The following EP400 variants were observed in gnomAD, a reference collection of about 807,000 sequenced individuals.
EP400 encodes the protein E1A-binding protein p400.
EP400 carries 105 observed loss-of-function variants against 354.1 expected under a neutral mutation model. The observed-to-expected ratio is 0.30, with a 90% CI of 0.25 to 0.35. The LOEUF (loss-of-function observed/expected upper bound fraction) is 0.35. Among genes scored for constraint, EP400 ranks in the 10% least tolerant of loss-of-function variants. EP400 has a pLI of 1.00. For synonymous variants in EP400, 1,646 were observed against 1,716.9 expected (o/e 0.96, Z 1.02); for missense variants, 3,280 against 4,121.0 (o/e 0.80, Z 5.59).
chr12:132,026,985 T>C lies in EP400; in HGVS notation c.5015-452T>C, dbSNP rs183345932. On this transcript the variant is annotated intron_variant, in intron 25 of 52. Transcript: ENST00000389561. ...ATGAAACGGGCACTGGCTTGCTCTG[T>C]TGCAGTTGTGAGGACTGGGTGGACT... is the stretch of plus-strand genomic sequence containing the variant. 3.3e-5 allele frequency among the ~76,000 whole-genome samples: 5 copies of C among 152,312 alleles called. No homozygotes were observed. The East Asian group carries it at 9.7e-4, about 29-fold the overall frequency.
chr12:132,009,341 A>T (rs1372327766), intron 15 of EP400, among the ~76,000 whole-genome samples: 3 of 152,006 alleles, frequency 2.0e-5, no homozygotes, highest in African/African-American at 7.3e-5. Context: ...ACTGTCACAG[A>T]CCCCAGGCAC....
intron 2 of EP400, chr12:131,963,611 C>T (rs1351236214): frequency 6.3e-7 from 1 of 1,598,364 alleles, no homozygotes; most frequent in Non-Finnish European, 8.5e-7. Context: ...AAGGTTTCTG[C>T]TGCTTTTTCA....
rs371611758 is a variant in EP400, at chr12:132,021,114, G to T, written c.4483G>T (p.Ala1495Ser). 2 of 1,599,804 alleles carry T rather than the reference G, an allele frequency of 1.3e-6. No homozygotes were observed. The highest frequency in any genetic ancestry group is 2.7e-5 in the African/African-American group (2 of 74,830). Residue 1495 changes from alanine to serine, a missense_variant, in exon 23 of 53, where the codon GCC (alanine) becomes TCC (serine). Physicochemically the swap from Ala to Ser is moderately conservative, Grantham distance 99. Coordinates refer to ENST00000389561, the MANE Select transcript of EP400 (RefSeq NM_015409.5). ...CCCGTTTCAGACCTCTCAGGCTTCC[G>T]CCAGTGCTCCACGACACCAGCCCGC... ...AAPFQTSQAS[A>S]SAPRHQPASA...
Position 131,986,778 on chromosome 12 carries a change from C to G in EP400, c.2194C>G (p.Gln732Glu). 1 of 1,612,904 alleles carries G rather than the reference C, an allele frequency of 6.2e-7. No individual in the cohort carries two copies. The change falls in exon 6 of 53, where the codon CAG (glutamine) becomes GAG (glutamate). Residue 732 changes from glutamine (Q) to glutamate (E), a missense_variant. Coordinates refer to ENST00000389561, the MANE Select transcript of EP400 (RefSeq NM_015409.5). Reference protein sequence around the residue: ...QNATSSQDSSQDTLTEQITLE... With the variant: ...QNATSSQDSSEDTLTEQITLE... ...TGCCACCTCGTCCCAAGACAGTTCT[C>G]AGGATACGCTGACAGAACAAATAAC...
rs1364830496 is a variant in EP400, at chr12:132,067,616, G to A, written c.8874+130G>A. On this transcript the variant is annotated intron_variant, in intron 50 of 52. Coordinates refer to ENST00000389561, the MANE Select transcript of EP400 (RefSeq NM_015409.5). This position sits in a 1 kb window ranked among gnomAD's most constrained non-coding sequence, Gnocchi z 5.3. ...TTTTCAGAGGGTGGCTTCAAGGGCT[G>A]GAGGTGCTAGTGTGGTCATCCCTGT... 7.7e-7 allele frequency: 1 copy of A among 1,298,482 alleles called. No individual in the cohort carries two copies. The highest frequency in any genetic ancestry group is 1.1e-6 in the Non-Finnish European group (1 of 950,796). 80.4% of individuals were successfully genotyped at this position (1,298,482 alleles called of 1,614,324 possible). A position where few individuals can be genotyped will look rare whatever the true frequency, so the allele number is the denominator to read the frequency against.
chr12:132,036,331 A>G (rs1415719662), intron 30 of EP400, among the ~76,000 whole-genome samples: 1 of 146,182 alleles, frequency 6.8e-6, no homozygotes, highest in Admixed American at 6.8e-5. Flanking sequence ...CATACGGAAC[A>G]TCGTGGAAGG....
intron 2 of EP400, among the ~76,000 whole-genome samples, chr12:131,969,384 C>T (rs1161829740): frequency 6.6e-6 from 1 of 152,154 alleles, no homozygotes; most frequent in Non-Finnish European, 1.5e-5. Context: ...CCATGTAACC[C>T]ATACAATGGT....
chr12:132,013,351 C>T lies in EP400; in HGVS notation c.3612-139C>T. The stretch of plus-strand genomic sequence containing the variant: ...AGCCCCAGAGCTGGGTCAGTGCAGC[C>T]CCCCTTTTCAGGCATGTGCACGTTG... On this transcript the variant is annotated intron_variant, in intron 17 of 52. Transcript: ENST00000389561. This position sits in a 1 kb window ranked among gnomAD's most constrained non-coding sequence, Gnocchi z 4.5. The T allele has an allele frequency of 7.2e-7, 1 of 1,391,480 alleles. No homozygotes were observed. The highest frequency in any genetic ancestry group is 1.4e-5 in the African/African-American group (1 of 69,698). 86.2% of individuals were successfully genotyped at this position (1,391,480 alleles called of 1,614,324 possible). A position where few individuals can be genotyped will look rare whatever the true frequency, so the allele number is the denominator to read the frequency against.
chr12:132,016,995 A>G (rs1893962434), intron 19 of EP400, among the ~76,000 whole-genome samples: 1 of 152,182 alleles, frequency 6.6e-6, no homozygotes, highest in Non-Finnish European at 1.5e-5. Flanking sequence ...TGCTCACACC[A>G]GAGAGCTACT....
rs1861116255 is a variant in EP400 at position 132,025,962 on chromosome 12, G to A, written c.5014+158G>A. Among the ~76,000 whole-genome samples, 1 of 152,246 alleles carries A rather than the reference G, an allele frequency of 6.6e-6. No homozygotes were observed. The highest frequency in any genetic ancestry group is 1.5e-5 in the Non-Finnish European group (1 of 68,034). ...TTTCTATAGATGTGTCCTAGTGTCA[G>A]CCTGATTTATTTTCTTTTTCTTGTG... On this transcript the variant is annotated intron_variant, in intron 25 of 52. Transcript: ENST00000389561. This position sits in a 1 kb window ranked among gnomAD's most constrained non-coding sequence, Gnocchi z 4.1.
intron 25 of EP400, among the ~76,000 whole-genome samples, chr12:132,026,114 G>A (rs919789570): frequency 2.0e-5 from 3 of 152,218 alleles, no homozygotes; most frequent in African/African-American, 7.2e-5. Context: ...AGTGTGCTCC[G>A]TTTCCCCTGG....
intron 52 of EP400, 54 bp from the exon 53 acceptor site, chr12:132,077,347 G>A (rs1344679784): frequency 1.3e-6 from 2 of 1,572,812 alleles, no homozygotes; most frequent in Non-Finnish European, 1.7e-6. Flanking sequence ...CCATTTTCCT[G>A]TCCCTGGACT....
intron 48 of EP400, chr12:132,066,419 GA>G (rs1378994887): frequency 8.7e-6 from 2 of 231,200 alleles, no homozygotes; most frequent in Non-Finnish European, 1.7e-5. Flanking sequence ...AGTGCTCGCT[GA>G]AGGAACAGGA....
Position 132,053,584 on chromosome 12 carries a change from G to A in EP400, c.7715G>A (p.Ser2572Asn), listed in dbSNP as rs1895381004. The A allele has an allele frequency of 6.4e-7, 1 of 1,560,600 alleles. No homozygotes were observed. Among genetic ancestry groups the A allele is most frequent in the African/African-American group, 1.4e-5 (1 of 73,616 alleles). ...KAQPAITTGGSAAVLAGTIKT... is the reference protein window; with the variant it reads ...KAQPAITTGGNAAVLAGTIKT... Reference sequence around the variant, plus strand: ...CAGCCCGCAATCACGACGGGGGGCAGTGCAGCCGTACTGGTGAGCAGGGGC... The same window carrying A: ...CAGCCCGCAATCACGACGGGGGGCAATGCAGCCGTACTGGTGAGCAGGGGC... The change falls in exon 43 of 53, where the codon AGT (serine) becomes AAT (asparagine). Residue 2572 changes from serine to asparagine, a missense_variant. This residue lies in a region of EP400 where 255 missense variants were observed against 295.9 expected (regional missense o/e 0.86). Coordinates refer to ENST00000389561, the MANE Select transcript of EP400 (RefSeq NM_015409.5).
chr12:132,030,647 T>A (rs1278182137), intron 29 of EP400, among the ~76,000 whole-genome samples: 2 of 152,244 alleles, frequency 1.3e-5, no homozygotes, highest in Non-Finnish European at 2.9e-5. Flanking sequence ...AATAGTGATG[T>A]ATGCTTGACC....
chr12:132,077,584 A>G lies in EP400; in HGVS notation c.9283A>G (p.Ser3095Gly). The change falls in exon 53 of 53, where the codon AGC (serine) becomes GGC (glycine). Residue 3095 changes from serine (S) to glycine (G), a missense_variant. This residue lies in a region of EP400 where 279 missense variants were observed against 386.7 expected (regional missense o/e 0.72). Coordinates refer to ENST00000389561, the MANE Select transcript of EP400 (RefSeq NM_015409.5). ...GAPNPAQVPASSDSPSQQPKL... is the reference protein window; with the variant it reads ...GAPNPAQVPAGSDSPSQQPKL... Reference sequence around the variant, plus strand: ...TCCCAACCCAGCCCAGGTGCCCGCCAGCTCCGACAGCCCAAGCCAGCAGCC... The same window carrying G: ...TCCCAACCCAGCCCAGGTGCCCGCCGGCTCCGACAGCCCAAGCCAGCAGCC... 1 of 1,613,966 alleles carries G rather than the reference A, an allele frequency of 6.2e-7. No individual in the cohort carries two copies. The highest frequency in any genetic ancestry group is 8.5e-7 in the Non-Finnish European group (1 of 1,179,982).
rs151280933 is a variant in EP400 at position 131,974,196 on chromosome 12, C to T, written c.1336-5498C>T. ...GTTTCACCACGTTGGCCAGCATGGT[C>T]TCGAACTCCTGACCTCAGGTAATCC... On this transcript the variant is annotated intron_variant, in intron 2 of 52. Coordinates refer to ENST00000389561, the MANE Select transcript of EP400 (RefSeq NM_015409.5). 7.1e-3 allele frequency among the ~76,000 whole-genome samples: 1,083 copies of T among 152,212 alleles called. 35 individuals are homozygous for T. The South Asian group carries it at 0.094, about 13-fold the overall frequency.
intron 11 of EP400, among the ~76,000 whole-genome samples, chr12:131,993,689 C>T (rs966408893): frequency 2.0e-5 from 3 of 152,184 alleles, no homozygotes; most frequent in Non-Finnish European, 4.4e-5. Flanking sequence ...CAGCCTGTGC[C>T]TCCGGCTACA....
intron 51 of EP400, among the ~76,000 whole-genome samples, chr12:132,072,057 A>G (rs939805222): frequency 1.3e-5 from 2 of 152,132 alleles, no homozygotes; most frequent in Non-Finnish European, 2.9e-5. Context: ...GATGAGTTCA[A>G]TTACTGCTCT....
Sources: gnomAD v4.1 joint callset for allele counts (sites outside exome capture counted in the v4.1 genomes callset) on GRCh38, gnomAD v4.1.1 for gene constraint, gnomAD v4.1.1 regional missense constraint, Gnocchi (gnomAD v3.1) non-coding constraint, MANE v1.5 for transcripts, NCBI Gene and HGNC (gene_info 2026-07-23, HGNC 2026-07-21) for gene names.